Variants in ACTR3C observed in about 807,000 individuals in gnomAD.
The protein encoded by ACTR3C is actin-related protein 3C.
Under a neutral mutation model 26.3 loss-of-function variants are expected in ACTR3C, and 18 were observed. The observed-to-expected ratio is 0.68, with a 90% confidence interval of 0.47 to 1.01. The LOEUF (loss-of-function observed/expected upper bound fraction) is 1.01, where lower values mean the gene tolerates loss of function less well. ACTR3C is among the 50% of genes least tolerant of loss of function. ACTR3C has a pLI of 0.00. For synonymous variants in ACTR3C, 55 were observed against 94.5 expected (o/e 0.58, Z 2.42); for missense variants, 184 against 250.7 (o/e 0.73, Z 1.80).
chr7:150,314,400 G>A (rs897500235), intron 1 of ACTR3C, among the ~76,000 whole-genome samples: 6 of 152,134 alleles, frequency 3.9e-5, no homozygotes, highest in Non-Finnish European at 8.8e-5. Flanking sequence ...AAGAACACTG[G>A]CTTATAGAAG....
chr7:150,023,252 TAG>T, the ACTR3C span, among the ~76,000 whole-genome samples: 1 of 61,686 alleles, frequency 1.6e-5, no homozygotes, highest in East Asian at 6.1e-4. Flanking sequence ...TATCTCTATA[TAG>T]ATCTCTATAT....
chr7:150,192,387 C>T, the ACTR3C span, among the ~76,000 whole-genome samples: 5 of 152,180 alleles, frequency 3.3e-5, no homozygotes, highest in Admixed American at 6.5e-5. Context: ...CAGCCTTGAA[C>T]TCCTGGGCTC....
the ACTR3C span, among the ~76,000 whole-genome samples, chr7:150,206,517 G>A: frequency 9.9e-5 from 15 of 152,226 alleles, no homozygotes; most frequent in African/African-American, 3.1e-4. Context: ...GGGGTCAAGC[G>A]ATTCCCTTGC....
the ACTR3C span, among the ~76,000 whole-genome samples, chr7:150,221,048 G>C: frequency 6.6e-6 from 1 of 152,266 alleles, no homozygotes; most frequent in Non-Finnish European, 1.5e-5. Context: ...GGAGTGGGCG[G>C]AGGAGGAGCT....
the ACTR3C span, among the ~76,000 whole-genome samples, chr7:150,015,958 A>G: frequency 7.2e-5 from 11 of 152,170 alleles, no homozygotes; most frequent in African/African-American, 2.6e-4. Context: ...TTTCCATGGC[A>G]CAGTGAATCC....
the ACTR3C span, among the ~76,000 whole-genome samples, chr7:150,050,396 T>A: frequency 2.0e-5 from 3 of 152,224 alleles, no homozygotes; most frequent in Non-Finnish European, 4.4e-5. Context: ...ATGTGCCACT[T>A]TTAAAAATTA....
the ACTR3C span, among the ~76,000 whole-genome samples, chr7:150,006,403 T>C: frequency 2.9e-4 from 43 of 147,820 alleles, no homozygotes; most frequent in South Asian, 1.1e-3. Flanking sequence ...TTCACTGTGT[T>C]AGCCAGGATG....
At chr7:149,984,604 A>G in the ACTR3C span, among the ~76,000 whole-genome samples, 2 of 151,488 alleles carry the variant, frequency 1.3e-5, no homozygotes, top group East Asian at 1.9e-4. Context: ...TAAATACAGT[A>G]GATATCTGAT....
At chr7:150,143,547 C>G in the ACTR3C span, among the ~76,000 whole-genome samples, 2 of 152,218 alleles carry the variant, frequency 1.3e-5, no homozygotes, top group South Asian at 4.1e-4. Context: ...ATGGAACCTT[C>G]CCAGCTCTCC....
At chr7:150,171,814 TTC>T in the ACTR3C span, among the ~76,000 whole-genome samples, 2,427 of 149,938 alleles carry the variant, frequency 0.016, 251 homozygotes, top group African/African-American at 0.058. Flanking sequence ...ATAGATTCTA[TTC>T]TTTCTTTCTT....
the ACTR3C span, among the ~76,000 whole-genome samples, chr7:150,124,184 T>A: frequency 0.46 from 69,463 of 151,770 alleles, 16,355 homozygotes; most frequent in African/African-American, 0.57. Flanking sequence ...TGCCCTCCCA[T>A]CCTGATTCAA....
the ACTR3C span, among the ~76,000 whole-genome samples, chr7:150,176,407 C>T: frequency 5.3e-5 from 8 of 150,952 alleles, no homozygotes; most frequent in Non-Finnish European, 1.0e-4. Context: ...TTTCCTTCTC[C>T]ATCTTCCTTC....
At chr7:150,021,132 A>T in the ACTR3C span, among the ~76,000 whole-genome samples, 5 of 149,766 alleles carry the variant, frequency 3.3e-5, no homozygotes, top group African/African-American at 1.3e-4. Flanking sequence ...TTTTTTTTTA[A>T]AAAAAATATT....
the ACTR3C span, among the ~76,000 whole-genome samples, chr7:149,926,754 T>C: frequency 6.6e-6 from 1 of 152,146 alleles, no homozygotes; most frequent in Admixed American, 6.6e-5. Context: ...TCACTGGAAC[T>C]GGGAGTGGTC....
the ACTR3C span, among the ~76,000 whole-genome samples, chr7:150,106,855 T>C: frequency 6.8e-6 from 1 of 146,334 alleles, no homozygotes; most frequent in East Asian, 1.9e-4. Flanking sequence ...ACTGGGTGGC[T>C]GGGAAAGAGG....
At chr7:150,071,762 C>T in the ACTR3C span, among the ~76,000 whole-genome samples, 20 of 151,916 alleles carry the variant, frequency 1.3e-4, no homozygotes, top group Non-Finnish European at 2.6e-4. Context: ...GAGTTGTGGG[C>T]GTTTCAGGTC....
the ACTR3C span, among the ~76,000 whole-genome samples, chr7:150,109,879 T>C: frequency 6.9e-6 from 1 of 144,772 alleles, no homozygotes; most frequent in Admixed American, 6.7e-5. Context: ...TTCGTCCTCT[T>C]TTCTTCAATG....
chr7:150,283,949 T>C (rs1027344000), intron 6 of ACTR3C, among the ~76,000 whole-genome samples: 3 of 151,142 alleles, frequency 2.0e-5, no homozygotes, highest in African/African-American at 7.4e-5. Context: ...TCAATAATCA[T>C]ATAGACTAGA....
the ACTR3C span, among the ~76,000 whole-genome samples, chr7:149,965,927 C>T: frequency 1.2e-4 from 18 of 152,204 alleles, no homozygotes; most frequent in African/African-American, 4.3e-4. Context: ...TGCCTGAGTT[C>T]CCTCAGTCAG....
Sources: gnomAD v4.1 joint callset for allele counts (sites outside exome capture counted in the v4.1 genomes callset) on GRCh38, gnomAD v4.1.1 for gene constraint, MANE v1.5 for transcripts, NCBI Gene and HGNC (gene_info 2026-07-23, HGNC 2026-07-21) for gene names.